ABR: variants seen among roughly 807,000 people sequenced by gnomAD.
ABR encodes ABR activator of RhoGEF and GTPase, also known as active breakpoint cluster region-related protein.
ABR carries 35 observed loss-of-function variants against 107.2 expected under a neutral mutation model. The observed-to-expected ratio is 0.33, with a 90% CI of 0.25 to 0.43. The LOEUF is 0.43. Among genes scored for constraint, ABR ranks in the 20% least tolerant of loss-of-function variants. ABR has a pLI of 1.00. For missense variants in ABR, 815 were observed against 1,115.2 expected, an observed-to-expected ratio of 0.73 and a Z score of 3.83; for synonymous variants, 498 against 462.0, an observed-to-expected ratio of 1.08 and a Z score of -1.00.
intron 1 of ABR, among the ~76,000 whole-genome samples, chr17:1,169,136 C>T (rs1453546730): frequency 1.3e-5 from 2 of 152,172 alleles, no homozygotes; most frequent in Non-Finnish European, 2.9e-5. Context: ...TGGGTTTTGT[C>T]TAGACAGAGG....
intron 1 of ABR, among the ~76,000 whole-genome samples, chr17:1,202,030 T>C (rs2042681494): frequency 6.6e-6 from 1 of 152,092 alleles, no homozygotes; most frequent in Non-Finnish European, 1.5e-5. Flanking sequence ...CATAAGTGTG[T>C]TCCTCCCATA....
intron 16 of ABR, among the ~76,000 whole-genome samples, chr17:1,039,839 T>G (rs11657949): frequency 6.6e-6 from 1 of 151,964 alleles, no homozygotes; most frequent in African/African-American, 2.4e-5. Context: ...GGGCCTGACA[T>G]GCACTCCTGG....
Position 1,067,100 on chromosome 17 carries a change from G to A in ABR, c.1159C>T (p.Leu387Phe), listed in dbSNP as rs749942730. Residue 387 changes from leucine to phenylalanine, a missense_variant, in exon 10 of 23, where the codon CTC (leucine) becomes TTC (phenylalanine). Physicochemically the swap from Leu to Phe is conservative, Grantham distance 22. Transcript: ENST00000302538. Reference sequence around the variant, plus strand: ...ACCTCCTTCTGGATTTCACTCTTGAGGGCAGAGATCTTCATCTTCATGTCC... The same window carrying A: ...ACCTCCTTCTGGATTTCACTCTTGAAGGCAGAGATCTTCATCTTCATGTCC... ...LEDMKMKISA[L>F]KSEIQKEKAN... The A allele has an allele frequency of 1.2e-6, 2 of 1,613,676 alleles. No individual in the cohort carries two copies. The highest frequency in any genetic ancestry group is 1.7e-5 in the Admixed American group (1 of 59,952).
chr17:1,037,381 G>A lies in ABR; in HGVS notation c.1791+12669C>T, dbSNP rs943993778. On this transcript the variant is annotated intron_variant, in intron 16 of 22. Coordinates refer to ENST00000302538, the MANE Select transcript of ABR (RefSeq NM_021962.5). This position sits in a 1 kb window ranked among gnomAD's most constrained non-coding sequence, Gnocchi z 4.6. Reference sequence around the variant, plus strand: ...GCCTCTCTCTGGCCACGTCAGGCTGGTGTCGCCAGGGTGCTCGGTGGTTCT... The same window carrying A: ...GCCTCTCTCTGGCCACGTCAGGCTGATGTCGCCAGGGTGCTCGGTGGTTCT... 2.0e-5 allele frequency among the ~76,000 whole-genome samples: 3 copies of A among 152,146 alleles called. No individual in the cohort carries two copies. Among genetic ancestry groups the A allele is most frequent in the African/African-American group, 7.2e-5 (3 of 41,422 alleles).
chr17:1,060,639 T>A (rs915027115), intron 10 of ABR, among the ~76,000 whole-genome samples: 2 of 152,010 alleles, frequency 1.3e-5, no homozygotes, highest in Non-Finnish European at 2.9e-5. Flanking sequence ...CATTTCTCAT[T>A]AAAACCAGCC....
At chr17:1,207,471 G>A (rs563844599) in intron 1 of ABR, among the ~76,000 whole-genome samples, 115 of 151,742 alleles carry the variant, frequency 7.6e-4, no homozygotes, top group Non-Finnish European at 1.3e-3. Context: ...CCAACATGGC[G>A]AAACCCCATC....
At chr17:1,190,575 G>T (rs2042409929), upstream of ABR, among the ~76,000 whole-genome samples, 1 of 152,200 alleles carries the variant, frequency 6.6e-6, no homozygotes, top group Non-Finnish European at 1.5e-5. Context: ...CGGAAGTGGA[G>T]GTTGCAGTGA....
chr17:1,176,869 C>CA (rs67373798), intron 1 of ABR, among the ~76,000 whole-genome samples: 23,638 of 139,000 alleles, frequency 0.17, 2,358 homozygotes, highest in East Asian at 0.41. Flanking sequence ...AAACAAAAAA[C>CA]AAAAAAAAAA....
chr17:1,113,289 T>TTTTG, intron 2 of ABR, among the ~76,000 whole-genome samples: 1 of 141,146 alleles, frequency 7.1e-6, no homozygotes, highest in African/African-American at 2.6e-5. Flanking sequence ...TTTTTTTTTT[T>TTTTG]TTTTTTTTTT....
chr17:1,138,018 A>C (rs1227588997), intron 1 of ABR, among the ~76,000 whole-genome samples: 1 of 151,214 alleles, frequency 6.6e-6, no homozygotes, highest in Non-Finnish European at 1.5e-5. Context: ...CTCCTGCCTC[A>C]GCCTCCTGAG....
chr17:1,116,458 G>A (rs2038990468), intron 2 of ABR, among the ~76,000 whole-genome samples: 1 of 152,188 alleles, frequency 6.6e-6, no homozygotes, highest in Admixed American at 6.5e-5. Flanking sequence ...CTCTAGGGCT[G>A]CTAGCTAGCC....
intron 1 of ABR, among the ~76,000 whole-genome samples, chr17:1,214,181 G>A (rs548004663): frequency 1.4e-4 from 21 of 152,158 alleles, no homozygotes; most frequent in Admixed American, 3.3e-4. Context: ...CACCGCTCCC[G>A]GCCTGAGATG....
rs574255545 is a variant in ABR at position 1,128,447 on chromosome 17, C to T, written c.62-3080G>A. Among the ~76,000 whole-genome samples the T allele has an allele frequency of 3.3e-5, 5 of 152,372 alleles. No homozygotes were observed. The South Asian group carries it at 8.3e-4, about 25-fold the overall frequency. On this transcript the variant is annotated intron_variant, in intron 1 of 22. Coordinates refer to ENST00000302538, the MANE Select transcript of ABR (RefSeq NM_021962.5). The stretch of plus-strand genomic sequence containing the variant: ...AACAGAAATCCTACTGTATTCGGAG[C>T]GGCAGTGCACCCAGCAGCTAGTTCA...
chr17:1,080,602 CAGGTGATGAGGCCAAGGTCAGCTGCCG>C (rs2036154956), intron 5 of ABR, among the ~76,000 whole-genome samples: 6 of 151,772 alleles, frequency 4.0e-5, no homozygotes, highest in Non-Finnish European at 5.9e-5. Flanking sequence ...GTCAGCTGCC[CAGGTGATGAGGCCAAGGTCAGCTGCCG>C]AGGTGATGCC....
At chr17:1,155,189 G>C (rs1201727100) in intron 1 of ABR, among the ~76,000 whole-genome samples, 1 of 152,100 alleles carries the variant, frequency 6.6e-6, no homozygotes, top group African/African-American at 2.4e-5. Context: ...AAACTGTCAG[G>C]CTGGGGGCAT....
Position 1,037,326 on chromosome 17 carries a change from C to T in ABR, c.1791+12724G>A, listed in dbSNP as rs2073273107. 6.6e-6 allele frequency among the ~76,000 whole-genome samples: 1 copy of T among 152,232 alleles called. No individual in the cohort carries two copies. The highest frequency in any genetic ancestry group is 2.1e-4 in the South Asian group (1 of 4,832). ...TCCCGAGTACGTGCTGCTTCTCACA[C>T]AGCTCCAGCCTCCCTCTGCCTGACC... On this transcript the variant is annotated intron_variant, in intron 16 of 22. Transcript: ENST00000302538. This position sits in a 1 kb window ranked among gnomAD's most constrained non-coding sequence, Gnocchi z 4.6.
intron 4 of ABR, among the ~76,000 whole-genome samples, chr17:1,088,452 T>TTAATAA (rs60961802): frequency 0.015 from 2,162 of 143,476 alleles, 28 homozygotes; most frequent in African/African-American, 0.033. Context: ...TCTTCCCAAT[T>TTAATAA]TAATAATAAT....
chr17:1,033,304 G>C (rs1474833854), intron 16 of ABR, among the ~76,000 whole-genome samples: 2 of 152,210 alleles, frequency 1.3e-5, no homozygotes, highest in Non-Finnish European at 2.9e-5. Flanking sequence ...AGTCAGAGCT[G>C]TCCTTCGTGG....
In ABR at chr17:1,157,701, G is replaced by C. The variant is rs1187554891; in HGVS notation, c.61+21966C>G. Among the ~76,000 whole-genome samples the C allele has an allele frequency of 1.3e-5, 2 of 152,194 alleles. No individual in the cohort carries two copies. Among genetic ancestry groups the C allele is most frequent in the African/African-American group, 4.8e-5 (2 of 41,450 alleles). On this transcript the variant is annotated intron_variant, in intron 1 of 22. Transcript: ENST00000302538. The surrounding 1 kb of genome is among the most constrained non-coding windows in gnomAD (Gnocchi z 4.7). ...TCCCGGCAGATGAAGGAAAGGAACC[G>C]GCAGGCACACCGCTCTCACGCCAAT...
Sources: allele counts gnomAD v4.1 joint callset (sites outside exome capture counted in the v4.1 genomes callset), GRCh38; gene constraint gnomAD v4.1.1; non-coding constraint Gnocchi (gnomAD v3.1); transcripts MANE v1.5; gene names NCBI Gene and HGNC (gene_info 2026-07-23, HGNC 2026-07-21).